The following MEP1B variants were observed in gnomAD, a reference collection of about 807,000 sequenced individuals.
MEP1B encodes the protein N-benzoyl-L-tyrosyl-P-amino-benzoic acid hydrolase subunit beta.
A neutral mutation model predicts 84.6 loss-of-function variants in MEP1B; 80 were observed. The ratio of observed to expected loss-of-function variants is 0.95; its 90% CI spans 0.79 to 1.14. MEP1B has a LOEUF of 1.14. Among genes scored for constraint, MEP1B ranks in the 50% most tolerant of loss-of-function variants. The pLI is 0.00. For synonymous variants in MEP1B, 273 were observed against 288.1 expected (o/e 0.95, Z 0.53); for missense variants, 766 against 855.1 (o/e 0.90, Z 1.30).
At chr18:32,195,258 A>G in intron 4 of MEP1B, 149 bp from the exon 5 acceptor site, 1 of 490,362 alleles carries the variant, frequency 2.0e-6, no homozygotes, top group Non-Finnish European at 3.5e-6. Context: ...TGATAAAAGT[A>G]GGGCTACACA....
intron 5 of MEP1B, among the ~76,000 whole-genome samples, chr18:32,200,989 C>CTA (rs2040905995): frequency 6.6e-6 from 1 of 152,104 alleles, no homozygotes; most frequent in Non-Finnish European, 1.5e-5. Flanking sequence ...CTTTCTGCAT[C>CTA]TATAACGCAA....
At position 32,208,145 on chromosome 18, in the gene MEP1B, T is replaced by A; in HGVS notation, c.793T>A (p.Cys265Ser). The part of the protein sequence containing the change: ...CSSSLSFMDS[C>S]SFELENVCGM... Reference sequence around the variant, plus strand: ...CTCTTCCTTGAGTTTTATGGACTCGTGCAGTTTTGAACTGGAAAATGTGTG... The same window carrying A: ...CTCTTCCTTGAGTTTTATGGACTCGAGCAGTTTTGAACTGGAAAATGTGTG... The change falls in exon 9 of 15, where the codon TGC becomes AGC. Residue 265 changes from cysteine (C) to serine (S), a missense_variant. Transcript: ENST00000269202. 6.2e-7 allele frequency: 1 copy of A among 1,613,932 alleles called. No homozygotes were observed. Among genetic ancestry groups the A allele is most frequent in the Non-Finnish European group, 8.5e-7 (1 of 1,179,828 alleles).
intron 14 of MEP1B, 132 bp from the exon 15 acceptor site, chr18:32,220,099 C>A: frequency 1.3e-6 from 1 of 767,752 alleles, no homozygotes; most frequent in Non-Finnish European, 2.1e-6. Flanking sequence ...GGAGCCATTG[C>A]CAGCTAGGAG....
At chr18:32,191,757 T>G in intron 1 of MEP1B, 65 bp from the exon 2 acceptor site, 3 of 1,029,968 alleles carry the variant, frequency 2.9e-6, no homozygotes, top group South Asian at 2.9e-5. Flanking sequence ...AGATATAAAC[T>G]GAATCCAAGA....
chr18:32,203,366 C>G (rs147564493), intron 6 of MEP1B, among the ~76,000 whole-genome samples: 98 of 152,290 alleles, frequency 6.4e-4, no homozygotes, highest in African/African-American at 2.4e-3. Flanking sequence ...AACCTAACCA[C>G]TCTTATTTCT....
chr18:32,199,052 G>A (rs905867754), intron 5 of MEP1B, among the ~76,000 whole-genome samples: 6 of 152,178 alleles, frequency 3.9e-5, no homozygotes, highest in African/African-American at 1.4e-4. Context: ...TCTTCAACAA[G>A]AATGGAGAAT....
chr18:32,210,573 C>A lies in MEP1B; in HGVS notation c.992C>A (p.Thr331Lys). The A allele has an allele frequency of 6.2e-7, 1 of 1,613,990 alleles. No individual in the cohort carries two copies. ...VGATAVLESR[T>K]LYPKRGFQCL... is the part of the protein sequence containing the mutation. The stretch of plus-strand genomic sequence containing the variant: ...GCCACAGCAGTGCTGGAAAGTAGAA[C>A]GCTGTACCCTAAAAGAGGATTTCAG... The change falls in exon 10 of 15, where the codon ACG (threonine) becomes AAG (lysine). Residue 331 changes from threonine (T) to lysine (K), a missense_variant. By Grantham distance (78) the Thr-to-Lys change is moderately conservative. Transcript: ENST00000269202.
Position 32,202,885 on chromosome 18 carries a change from T to C in MEP1B, c.251-8T>C, listed in dbSNP as rs1383291964. 6.4e-7 allele frequency: 1 copy of C among 1,562,974 alleles called. No individual in the cohort carries two copies. The highest frequency in any genetic ancestry group is 8.8e-7 in the Non-Finnish European group (1 of 1,140,056). On this transcript the variant is annotated splice_region_variant and splice_polypyrimidine_tract_variant and intron_variant, in intron 5 of 14. Coordinates refer to ENST00000269202, the MANE Select transcript of MEP1B (RefSeq NM_005925.3). Reference sequence around the variant, plus strand: ...ATAAGCTTATTTTTGTTTGTTTTCTTCCTTCAGAAATGAATGCTAAGGGAG... The same window carrying C: ...ATAAGCTTATTTTTGTTTGTTTTCTCCCTTCAGAAATGAATGCTAAGGGAG...
chr18:32,200,840 G>C (rs1282993279), intron 5 of MEP1B, among the ~76,000 whole-genome samples: 1 of 152,178 alleles, frequency 6.6e-6, no homozygotes, highest in Non-Finnish European at 1.5e-5. Flanking sequence ...AAAGAGTTGG[G>C]GATGGAAATG....
intron 5 of MEP1B, 60 bp from the exon 6 acceptor site, chr18:32,202,833 G>A: frequency 9.4e-7 from 1 of 1,068,468 alleles, no homozygotes; most frequent in Non-Finnish European, 1.4e-6. Context: ...TGCTTCCATG[G>A]AAGATTTTTC....
At chr18:32,191,714 A>G in intron 1 of MEP1B, 108 bp from the exon 2 acceptor site, 1 of 683,010 alleles carries the variant, frequency 1.5e-6, no homozygotes, top group Non-Finnish European at 2.5e-6. Flanking sequence ...AATCCATAAT[A>G]TTAATGACAA....
At chr18:32,211,518 T>A (rs765569638) in intron 10 of MEP1B, among the ~76,000 whole-genome samples, 2 of 152,142 alleles carry the variant, frequency 1.3e-5, no homozygotes, top group Non-Finnish European at 2.9e-5. Flanking sequence ...CTTCCCAGCT[T>A]ACATTTGACC....
chr18:32,204,256 C>T lies in MEP1B; in HGVS notation c.443C>T (p.Ala148Val). The T allele has an allele frequency of 6.2e-7, 1 of 1,604,340 alleles. No individual in the cohort carries two copies. The highest frequency in any genetic ancestry group is 1.1e-5 in the South Asian group (1 of 88,740). The change falls in exon 7 of 15, where the codon GCA (alanine) becomes GTA (valine). Residue 148 changes from alanine (A) to valine (V), a missense_variant. Ala to Val is a moderately conservative substitution (Grantham distance 64, BLOSUM62 0). Coordinates refer to ENST00000269202, the MANE Select transcript of MEP1B (RefSeq NM_005925.3). ...LSIGANCDRI[A>V]TVQHEFLHAL... ...ATCGGGGCAAACTGTGACCGAATAG[C>T]AACAGTTCAACACGAGTTCCTCCAC...
At chr18:32,194,921 A>G (rs141358860) in intron 4 of MEP1B, among the ~76,000 whole-genome samples, 105 of 152,310 alleles carry the variant, frequency 6.9e-4, no homozygotes, top group African/African-American at 2.5e-3. Context: ...TCTCTAGGAC[A>G]ATATTCAATT....
At chr18:32,198,465 A>C (rs1367070859) in intron 5 of MEP1B, among the ~76,000 whole-genome samples, 1 of 152,226 alleles carries the variant, frequency 6.6e-6, no homozygotes, top group Non-Finnish European at 1.5e-5. Flanking sequence ...CTGGCCAGCC[A>C]GCAACTGCAG....
In MEP1B at chr18:32,204,182, C is replaced by T. The variant is rs770348906; in HGVS notation, c.369C>T (p.Gly123=). The change falls in exon 7 of 15, where the codon GGC becomes GGT. Residue 123 remains glycine (G), a splice_region_variant and synonymous_variant. Coordinates refer to ENST00000269202, the MANE Select transcript of MEP1B (RefSeq NM_005925.3). ...TNYISVFKGS[G]CWSSVGNRRV... ...CCTTTCTTGTAAACTCTCCTGTAAG[C>T]TGCTGGTCTTCAGTAGGAAATAGGC... 9.4e-6 allele frequency: 15 copies of T among 1,603,966 alleles called. No individual in the cohort carries two copies. The highest frequency in any genetic ancestry group is 1.7e-5 in the Admixed American group (1 of 58,760).
chr18:32,207,279 G>A lies in MEP1B; in HGVS notation c.575G>A (p.Ser192Asn), dbSNP rs2040975150. The part of the protein sequence containing the change: ...SGREHNFNTY[S>N]DDISDSLNVP... Reference sequence around the variant, plus strand: ...AGAGAGCACAATTTTAACACCTATAGTGACGATATATCAGATTCCCTGAAT... The same window carrying A: ...AGAGAGCACAATTTTAACACCTATAATGACGATATATCAGATTCCCTGAAT... Residue 192 changes from serine to asparagine, a missense_variant, in exon 8 of 15, where the codon AGT (serine) becomes AAT (asparagine). Ser to Asn is a conservative substitution (Grantham distance 46, BLOSUM62 1). Coordinates refer to ENST00000269202, the MANE Select transcript of MEP1B (RefSeq NM_005925.3). 3 of 1,612,482 alleles carry A rather than the reference G, an allele frequency of 1.9e-6. No homozygotes were observed. The highest frequency in any genetic ancestry group is 2.5e-6 in the Non-Finnish European group (3 of 1,178,846).
chr18:32,207,200 G>A, intron 7 of MEP1B, 52 bp from the exon 8 acceptor site: 1 of 1,254,056 alleles, frequency 8.0e-7, no homozygotes, highest in Non-Finnish European at 1.1e-6. Flanking sequence ...TTTGGAGTAA[G>A]ATAAGCTGAA....
In MEP1B at chr18:32,217,758, C is replaced by T. The variant is rs1486825502; in HGVS notation, c.1887-3C>T. 2 of 1,611,774 alleles carry T rather than the reference C, an allele frequency of 1.2e-6. No homozygotes were observed. The highest frequency in any genetic ancestry group is 1.7e-6 in the Non-Finnish European group (2 of 1,178,344). On this transcript the variant is annotated splice_region_variant and splice_polypyrimidine_tract_variant and intron_variant, in intron 13 of 14. Transcript: ENST00000269202. Reference sequence around the variant, plus strand: ...AACTCTGAGTCATGCTCTCAACATGCAGGTGCCAGTCAGGGGAAGACTGGT... The same window carrying T: ...AACTCTGAGTCATGCTCTCAACATGTAGGTGCCAGTCAGGGGAAGACTGGT...
Sources: allele counts gnomAD v4.1 joint callset (sites outside exome capture counted in the v4.1 genomes callset), GRCh38; gene constraint gnomAD v4.1.1; transcripts MANE v1.5; gene names NCBI Gene and HGNC (gene_info 2026-07-23, HGNC 2026-07-21).